Variants in TENM1 observed in about 807,000 individuals in gnomAD.
TENM1 encodes teneurin transmembrane protein 1, also known as teneurin-1.
In TENM1, 35 loss-of-function variants were observed where a neutral mutation model predicts 174.8. The ratio of observed to expected loss-of-function variants is 0.20; its 90% CI spans 0.15 to 0.27. The LOEUF (loss-of-function observed/expected upper bound fraction) is 0.27, where lower values mean the gene tolerates loss of function less well. Among genes scored for constraint, TENM1 ranks in the 10% least tolerant of loss-of-function variants. TENM1 has a pLI of 1.00. For missense variants in TENM1, 1,633 were observed against 2,130.1 expected (o/e 0.77, Z 4.59); for synonymous variants, 781 against 798.7 (o/e 0.98, Z 0.37).
At chrX:124,561,066 G>C (rs771497257) in intron 14 of TENM1, among the ~76,000 whole-genome samples, 2 of 111,712 alleles carry the variant, frequency 1.8e-5, no homozygotes, top group Non-Finnish European at 3.8e-5. Context: ...AAATTGTCTC[G>C]ATGCTATGTC....
At chrX:124,645,454 C>T (rs73215128) in intron 9 of TENM1, 117 bp from the exon 13 acceptor site, 4 of 658,615 alleles carry the variant, frequency 6.1e-6, no homozygotes, top group Non-Finnish European at 9.1e-6. Context: ...CTGTCTTACC[C>T]TTTATTAAAT....
intron 11 of TENM1, among the ~76,000 whole-genome samples, chrX:124,614,484 T>C (rs1055261688): frequency 3.6e-5 from 4 of 111,948 alleles, no homozygotes; most frequent in African/African-American, 9.7e-5. Flanking sequence ...AAAATAAGAC[T>C]AGACTAAAAT....
the TENM1 span, among the ~76,000 whole-genome samples, chrX:125,139,164 G>C: frequency 9.0e-6 from 1 of 111,338 alleles, no homozygotes; most frequent in East Asian, 2.8e-4. Flanking sequence ...AATCTGATGG[G>C]GGATACATTC....
chrX:124,389,855 C>T (rs1480973061), intron 28 of TENM1, among the ~76,000 whole-genome samples: 3 of 111,830 alleles, frequency 2.7e-5, no homozygotes, highest in Non-Finnish European at 5.6e-5. Flanking sequence ...AGAATCGTTC[C>T]ATAATTATGC....
At chrX:124,643,381 A>T (rs1369167003) in intron 10 of TENM1, among the ~76,000 whole-genome samples, 1 of 110,805 alleles carries the variant, frequency 9.0e-6, no homozygotes, top group Non-Finnish European at 1.9e-5. Flanking sequence ...TGGAAGAAAA[A>T]AAGGGTGTGT....
At chrX:124,404,667 T>C (rs2060441938) in intron 27 of TENM1, among the ~76,000 whole-genome samples, 1 of 111,340 alleles carries the variant, frequency 9.0e-6, no homozygotes. Flanking sequence ...CTCGGTCAAC[T>C]CAGTGAACCT....
chrX:124,724,886 T>C (rs2053410284), intron 4 of TENM1, among the ~76,000 whole-genome samples: 1 of 111,714 alleles, frequency 9.0e-6, no homozygotes, highest in African/African-American at 3.3e-5. Flanking sequence ...ATGAGGGTTC[T>C]GTCTTCATGA....
At chrX:124,753,095 C>A (rs1170322798) in intron 3 of TENM1, among the ~76,000 whole-genome samples, 1 of 109,093 alleles carries the variant, frequency 9.2e-6, no homozygotes, top group African/African-American at 3.3e-5. Context: ...GCCATTTTCA[C>A]GATATTGATT....
At chrX:124,832,975 T>C (rs1236083599) in intron 3 of TENM1, among the ~76,000 whole-genome samples, 2 of 111,983 alleles carry the variant, frequency 1.8e-5, no homozygotes, top group Admixed American at 1.9e-4. Flanking sequence ...AAACAAATGG[T>C]TGCGTGCATT....
intron 5 of TENM1, among the ~76,000 whole-genome samples, chrX:124,699,746 T>C (rs2052733164): frequency 8.9e-6 from 1 of 111,739 alleles, no homozygotes; most frequent in Non-Finnish European, 1.9e-5. Context: ...ATAAAACTTA[T>C]GGAATATATT....
the TENM1 span, among the ~76,000 whole-genome samples, chrX:125,145,174 G>A: frequency 9.0e-6 from 1 of 111,474 alleles, no homozygotes; most frequent in African/African-American, 3.3e-5. Context: ...GAAAATCTGG[G>A]CCTGATTTCT....
At position 124,614,864 on chromosome X, in the gene TENM1, T is replaced by C. The variant is rs978092352; in HGVS notation, c.2077+26927A>G. The stretch of plus-strand genomic sequence containing the variant: ...CGCCAATGCACTCCACCCTGGGTGA[T>C]AGAGCAAGATCTGTCTCACACACAC... On this transcript the variant is annotated intron_variant, in intron 11 of 31. Transcript: ENST00000422452. 3.6e-5 allele frequency among the ~76,000 whole-genome samples: 4 copies of C among 111,858 alleles called. No individual in the cohort carries two copies. The South Asian group carries it at 1.1e-3, about 31-fold the overall frequency.
chrX:124,517,021 T>C (rs1177815480), intron 18 of TENM1, among the ~76,000 whole-genome samples: 1 of 111,551 alleles, frequency 9.0e-6, no homozygotes, highest in African/African-American at 3.3e-5. Flanking sequence ...AGCTGGAGGT[T>C]ATTATCCTTA....
upstream of TENM1, among the ~76,000 whole-genome samples, chrX:124,967,168 C>T (rs1424053921): frequency 3.6e-5 from 4 of 111,532 alleles, no homozygotes; most frequent in Non-Finnish European, 7.5e-5. Context: ...CATTGAGCAT[C>T]TATAACACCA....
chrX:125,076,032 C>A, the TENM1 span, among the ~76,000 whole-genome samples: 1 of 111,829 alleles, frequency 8.9e-6, no homozygotes, highest in Admixed American at 9.5e-5. Context: ...AATCCAAAAA[C>A]TACTATAGAA....
intron 28 of TENM1, among the ~76,000 whole-genome samples, chrX:124,391,056 T>G (rs767508623): frequency 8.9e-6 from 1 of 111,900 alleles, no homozygotes. Context: ...TGGGAACTAG[T>G]AACATGGTTT....
At chrX:124,418,184 C>T (rs1008476126) in intron 25 of TENM1, among the ~76,000 whole-genome samples, 2 of 112,441 alleles carry the variant, frequency 1.8e-5, no homozygotes, top group African/African-American at 6.5e-5. Context: ...GCCTACAAGG[C>T]CCTACATGAA....
chrX:124,806,658 A>T (rs2055607126), intron 3 of TENM1, among the ~76,000 whole-genome samples: 2 of 112,391 alleles, frequency 1.8e-5, no homozygotes, highest in South Asian at 3.6e-4. Context: ...CCACTTTTGC[A>T]TTGCTATAAA....
At chrX:124,770,763 T>C (rs1047919724) in intron 3 of TENM1, among the ~76,000 whole-genome samples, 1 of 110,689 alleles carries the variant, frequency 9.0e-6, no homozygotes, top group Non-Finnish European at 1.9e-5. Flanking sequence ...CATACCAGTG[T>C]ATAGAAATCT....
Sources: gnomAD v4.1 joint callset for allele counts (sites outside exome capture counted in the v4.1 genomes callset) on GRCh38, gnomAD v4.1.1 for gene constraint, MANE v1.5 for transcripts, NCBI Gene and HGNC (gene_info 2026-07-23, HGNC 2026-07-21) for gene names.